USP32: variants seen among roughly 807,000 people sequenced by gnomAD.
USP32 encodes the protein ubiquitin specific peptidase 32.
Under a neutral mutation model 204.8 loss-of-function variants are expected in USP32, and 59 were observed. The observed-to-expected ratio is 0.29, with a 90% CI of 0.23 to 0.36. USP32 has a LOEUF of 0.36. Among genes scored for constraint, USP32 ranks in the 10% least tolerant of loss-of-function variants. The probability of loss-of-function intolerance (pLI) is 1.00; values close to 1 mark genes in which losing one functional copy is unlikely to be tolerated. For synonymous variants in USP32, 517 were observed against 678.4 expected (o/e 0.76, Z 3.70); for missense variants, 1,160 against 1,946.4 (o/e 0.60, Z 7.60).
chr17:60,263,506 C>T (rs1320560763), intron 9 of USP32, among the ~76,000 whole-genome samples: 2 of 152,188 alleles, frequency 1.3e-5, no homozygotes, highest in African/African-American at 4.8e-5. Context: ...ATTTCATTAT[C>T]ATGGTTACAT....
chr17:60,354,242 G>C (rs912271211), intron 1 of USP32, among the ~76,000 whole-genome samples: 3 of 151,902 alleles, frequency 2.0e-5, no homozygotes, highest in African/African-American at 7.3e-5. Flanking sequence ...ATCTCTCCAA[G>C]TATATTTTAA....
intron 12 of USP32, chr17:60,231,619 A>AC (rs772637225): frequency 3.5e-5 from 18 of 516,930 alleles, no homozygotes; most frequent in South Asian, 1.4e-4. Flanking sequence ...GAGAACAGGG[A>AC]CCCCCCAAAG....
chr17:60,289,003 T>G (rs966070829), intron 4 of USP32, among the ~76,000 whole-genome samples: 2 of 152,202 alleles, frequency 1.3e-5, no homozygotes, highest in Admixed American at 6.5e-5. Context: ...TGCATTTTGT[T>G]TTTTGTTTTT....
chr17:60,209,578 C>T (rs754390743), intron 21 of USP32, 35 bp from the exon 22 acceptor site: 2 of 1,474,346 alleles, frequency 1.4e-6, no homozygotes, highest in South Asian at 1.4e-5. Context: ...TCATTATTTC[C>T]TACCCATAAA....
intron 27 of USP32, among the ~76,000 whole-genome samples, chr17:60,195,597 C>T (rs1358559622): frequency 1.3e-5 from 2 of 152,168 alleles, no homozygotes; most frequent in African/African-American, 2.4e-5. Flanking sequence ...CTTGGCCTCC[C>T]GAAGTGCTGG....
Position 60,179,247 on chromosome 17 carries a change from T to C in USP32, c.*8A>G, listed in dbSNP as rs376232070. On this transcript the variant is annotated 3_prime_UTR_variant, in exon 34 of 34. Transcript: ENST00000300896. ...CCGCCAAGCTGTCTAGCAGCCAGAG[T>C]GGTAGCTTTACTGTAACACACAGTA... 310 of 1,611,260 alleles carry C rather than the reference T, an allele frequency of 1.9e-4. 4 individuals carry two copies. The South Asian group carries it at 2.1e-3, about 11-fold the overall frequency.
At chr17:60,365,317 G>A (rs2089291254) in intron 1 of USP32, among the ~76,000 whole-genome samples, 1 of 151,640 alleles carries the variant, frequency 6.6e-6, no homozygotes, top group African/African-American at 2.4e-5. Flanking sequence ...TGTCTCTAAT[G>A]AAAAAATATA....
rs1266335737 is a variant in USP32, at chr17:60,219,764, G to A, written c.1773C>T (p.Asp591=). Residue 591 remains aspartate (D), a synonymous_variant, in exon 16 of 34, where the codon GAC becomes GAT. Coordinates refer to ENST00000300896, the MANE Select transcript of USP32 (RefSeq NM_032582.4). ...PRPVIKNSKT[D]IPELELFPRY... is the part of the protein sequence containing the mutation. ...GGGGAAATAATTCCAGCTCTGGGAT[G>A]TCTGTCTTGCTGTTCTTGATAACCT... The A allele has an allele frequency of 6.2e-7, 1 of 1,612,358 alleles. No individual in the cohort carries two copies. The highest frequency in any genetic ancestry group is 1.1e-5 in the South Asian group (1 of 90,902).
chr17:60,227,665 G>A (rs2145594714), intron 12 of USP32, among the ~76,000 whole-genome samples: 1 of 151,856 alleles, frequency 6.6e-6, no homozygotes, highest in Non-Finnish European at 1.5e-5. Context: ...CTCCTGCCTG[G>A]GCCTCCCAAA....
chr17:60,314,500 G>C (rs1338076394), intron 2 of USP32, among the ~76,000 whole-genome samples: 1 of 151,356 alleles, frequency 6.6e-6, no homozygotes, highest in Non-Finnish European at 1.5e-5. Context: ...TGAACTTGAA[G>C]AAACAGGAAT....
intron 1 of USP32, among the ~76,000 whole-genome samples, chr17:60,408,449 C>T (rs1456200558): frequency 6.6e-6 from 1 of 151,826 alleles, no homozygotes; most frequent in Non-Finnish European, 1.5e-5. Flanking sequence ...ACGATCTTGG[C>T]TCACTGCAAG....
At chr17:60,230,317 A>G (rs1222978539) in intron 12 of USP32, among the ~76,000 whole-genome samples, 1 of 152,200 alleles carries the variant, frequency 6.6e-6, no homozygotes, top group Admixed American at 6.5e-5. Flanking sequence ...TGTAAATGAA[A>G]CCATTCCTGT....
chr17:60,419,862 TTTA>T (rs1567903925), intron 1 of USP32, among the ~76,000 whole-genome samples: 1 of 136,898 alleles, frequency 7.3e-6, no homozygotes, highest in Non-Finnish European at 1.6e-5. Context: ...TTATTATTAT[TTTA>T]TTATTATTAT....
intron 2 of USP32, among the ~76,000 whole-genome samples, chr17:60,336,080 G>A (rs1026001573): frequency 3.5e-5 from 5 of 142,868 alleles, no homozygotes; most frequent in Admixed American, 3.4e-4. Flanking sequence ...GGTATTTTCT[G>A]TAAGAGTGTT....
Position 60,180,430 on chromosome 17 carries a change from T to C in USP32, c.4641+115A>G, listed in dbSNP as rs2084077244. 20 of 1,183,954 alleles carry C rather than the reference T, an allele frequency of 1.7e-5. No homozygotes were observed. The South Asian group carries it at 2.5e-4, about 15-fold the overall frequency. 73.3% of individuals were successfully genotyped at this position (1,183,954 alleles called of 1,614,324 possible). On this transcript the variant is annotated intron_variant, in intron 33 of 33. Coordinates refer to ENST00000300896, the MANE Select transcript of USP32 (RefSeq NM_032582.4). ...AATACTGACAGCATCTATATATTGATTCTAACAGAAATATCTATTTCCTAT... is the reference window on the plus strand; with the variant it reads ...AATACTGACAGCATCTATATATTGACTCTAACAGAAATATCTATTTCCTAT...
At chr17:60,326,309 C>CT (rs1348199021) in intron 2 of USP32, among the ~76,000 whole-genome samples, 6,001 of 144,858 alleles carry the variant, frequency 0.041, 408 homozygotes, top group African/African-American at 0.14. Flanking sequence ...GGTTTGTTTT[C>CT]TTTTTTTTTT....
chr17:60,343,046 G>A (rs1021356414), intron 2 of USP32, among the ~76,000 whole-genome samples: 7 of 152,052 alleles, frequency 4.6e-5, no homozygotes, highest in African/African-American at 1.4e-4. Context: ...GTTCCTATTC[G>A]GCCATCTTGG....
chr17:60,398,094 G>A (rs1208505967), intron 1 of USP32, among the ~76,000 whole-genome samples: 1 of 152,150 alleles, frequency 6.6e-6, no homozygotes, highest in Admixed American at 6.5e-5. Context: ...GCCAGGCAGG[G>A]TGCTTCGTGC....
At chr17:60,225,519 GGTTTTCT>G (rs1355745488) in intron 13 of USP32, among the ~76,000 whole-genome samples, 1 of 152,088 alleles carries the variant, frequency 6.6e-6, no homozygotes, top group Admixed American at 6.6e-5. Flanking sequence ...ATGGAAAAGA[GGTTTTCT>G]TTGTAAAAAT....
Sources: allele counts gnomAD v4.1 joint callset (sites outside exome capture counted in the v4.1 genomes callset), GRCh38; gene constraint gnomAD v4.1.1; transcripts MANE v1.5; gene names NCBI Gene and HGNC (gene_info 2026-07-23, HGNC 2026-07-21).